Variants in PBX1 observed in about 807,000 individuals in gnomAD.
The protein encoded by PBX1 is PBX homeobox 1, also known as pre-B-cell leukemia transcription factor 1.
In PBX1, 6 loss-of-function variants were observed where a neutral mutation model predicts 53.4. That is an observed-to-expected ratio of 0.11 (90% CI 0.06 to 0.22). PBX1 has a LOEUF of 0.22. Among genes scored for constraint, PBX1 ranks in the 10% least tolerant of loss-of-function variants. The pLI, the probability that PBX1 is intolerant of heterozygous loss-of-function variation, is 1.00. For missense variants in PBX1, 251 were observed against 551.4 expected, an observed-to-expected ratio of 0.46 and a Z score of 5.46; for synonymous variants, 204 against 212.3, an observed-to-expected ratio of 0.96 and a Z score of 0.34.
chr1:164,757,659 G>A (rs1453405218), intron 2 of PBX1, among the ~76,000 whole-genome samples: 2 of 152,116 alleles, frequency 1.3e-5, no homozygotes, highest in Non-Finnish European at 1.5e-5. Flanking sequence ...CAAGGAATAA[G>A]AAAGGATTTC....
intron 2 of PBX1, among the ~76,000 whole-genome samples, chr1:164,626,610 C>T (rs1379172095): frequency 2.0e-5 from 3 of 152,216 alleles, no homozygotes. Context: ...TAAATCTTTT[C>T]TGCTTTACTA....
At chr1:164,571,226 A>C (rs1467080809) in intron 2 of PBX1, among the ~76,000 whole-genome samples, 2 of 152,224 alleles carry the variant, frequency 1.3e-5, no homozygotes, top group Admixed American at 6.5e-5. Flanking sequence ...ATATACAGTT[A>C]GGTGGCTTTT....
chr1:164,849,264 C>T lies in PBX1; in HGVS notation c.*2588C>T, dbSNP rs1256527282. On this transcript the variant is annotated 3_prime_UTR_variant, in exon 9 of 9. Transcript: ENST00000420696. The stretch of plus-strand genomic sequence containing the variant: ...TTTGCACAGGCAGTTTCTCTCCGGG[C>T]CGTAGTTTTCACTGATGATCACCTT... 3 of 1,528,422 alleles carry T rather than the reference C, an allele frequency of 2.0e-6. No individual in the cohort carries two copies. The highest frequency in any genetic ancestry group is 2.5e-5 in the East Asian group (1 of 40,782). The allele number at this position is 1,528,422 out of a possible 1,614,324, so 94.7% of individuals were successfully genotyped here. A position where few individuals can be genotyped will look rare whatever the true frequency, so the allele number is the denominator to read the frequency against.
At chr1:164,678,457 C>T (rs1346555661) in intron 2 of PBX1, among the ~76,000 whole-genome samples, 4 of 152,114 alleles carry the variant, frequency 2.6e-5, no homozygotes, top group African/African-American at 7.2e-5. Context: ...GTGCTATTGT[C>T]CTCCATGTGT....
chr1:164,812,719 A>G lies in PBX1; in HGVS notation c.997+570A>G, dbSNP rs570966149. Reference sequence around the variant, plus strand: ...TTGTTTTTTGTTGGTCTTCTTTATGATTATCGGTCATGAGCTATGTAATAG... The same window carrying G: ...TTGTTTTTTGTTGGTCTTCTTTATGGTTATCGGTCATGAGCTATGTAATAG... On this transcript the variant is annotated intron_variant, in intron 6 of 8. Transcript: ENST00000420696. 2.0e-5 allele frequency: 3 copies of G among 152,174 alleles called. No homozygotes were observed. In the South Asian group the frequency reaches 6.2e-4, roughly 32 times the overall value. 9.4% of individuals were successfully genotyped at this position (152,174 alleles called of 1,614,324 possible). A position where few individuals can be genotyped will look rare whatever the true frequency, so the allele number is the denominator to read the frequency against.
chr1:164,572,246 G>C (rs1333168627), intron 2 of PBX1, among the ~76,000 whole-genome samples: 1 of 151,978 alleles, frequency 6.6e-6, no homozygotes, highest in East Asian at 1.9e-4. Context: ...TTAAGTCATA[G>C]TGTAAATGGC....
chr1:164,807,342 G>A (rs894021081), intron 4 of PBX1, among the ~76,000 whole-genome samples, 200 bp from the exon 5 acceptor site: 4 of 152,096 alleles, frequency 2.6e-5, no homozygotes, highest in African/African-American at 7.2e-5. Flanking sequence ...TCTTCTGTTC[G>A]GTGCCCAGAT....
intron 2 of PBX1, among the ~76,000 whole-genome samples, chr1:164,640,543 G>A (rs1659058734): frequency 7.6e-6 from 1 of 132,058 alleles, no homozygotes; most frequent in Non-Finnish European, 1.6e-5. Flanking sequence ...TCGTTTTTTG[G>A]TGTTTTTTTT....
intron 2 of PBX1, among the ~76,000 whole-genome samples, chr1:164,690,184 C>G (rs955666843): frequency 2.0e-5 from 3 of 151,966 alleles, no homozygotes; most frequent in Non-Finnish European, 4.4e-5. Context: ...GTCTGGAGGC[C>G]GCAGATTTTC....
intron 2 of PBX1, among the ~76,000 whole-genome samples, chr1:164,882,115 C>G (rs1183375958): frequency 6.6e-6 from 1 of 151,650 alleles, no homozygotes; most frequent in African/African-American, 2.4e-5. Flanking sequence ...TTAGTCCAAC[C>G]CTTTTTTTTT....
intron 2 of PBX1, among the ~76,000 whole-genome samples, chr1:164,600,607 CAG>C (rs1656104504): frequency 1.3e-5 from 2 of 152,182 alleles, no homozygotes; most frequent in South Asian, 2.1e-4. Flanking sequence ...AAAAGGCAAA[CAG>C]AGCTTTTGGC....
chr1:164,624,967 A>G (rs1421141935), intron 2 of PBX1, among the ~76,000 whole-genome samples: 1 of 152,224 alleles, frequency 6.6e-6, no homozygotes, highest in Non-Finnish European at 1.5e-5. Context: ...AGTGTTATCT[A>G]TCCTTCCAAT....
At chr1:164,735,070 G>T (rs576799204) in intron 2 of PBX1, among the ~76,000 whole-genome samples, 1 of 152,246 alleles carries the variant, frequency 6.6e-6, no homozygotes, top group South Asian at 2.1e-4. Flanking sequence ...ACTATACTGC[G>T]TAAGCTATAG....
At chr1:164,712,784 C>CAGCCTGTTCG (rs1663873512) in intron 2 of PBX1, among the ~76,000 whole-genome samples, 1 of 151,998 alleles carries the variant, frequency 6.6e-6, no homozygotes, top group South Asian at 2.1e-4. Flanking sequence ...TTGCCTGTTC[C>CAGCCTGTTCG]GTTCAGCGTC....
intron 2 of PBX1, among the ~76,000 whole-genome samples, chr1:164,718,851 ATGT>A (rs1050658209): frequency 6.6e-6 from 1 of 152,226 alleles, no homozygotes; most frequent in Non-Finnish European, 1.5e-5. Context: ...AAATGTAAAA[ATGT>A]TGTGACTTGC....
chr1:164,786,856 G>T (rs866081235), intron 2 of PBX1, among the ~76,000 whole-genome samples: 1 of 152,088 alleles, frequency 6.6e-6, no homozygotes, highest in African/African-American at 2.4e-5. Context: ...AGTGTCGGCT[G>T]TGTCTCATTT....
chr1:164,679,410 T>TG (rs1661622135), intron 2 of PBX1, among the ~76,000 whole-genome samples: 1 of 152,194 alleles, frequency 6.6e-6, no homozygotes, highest in African/African-American at 2.4e-5. Flanking sequence ...TGTCAGGTCT[T>TG]GGGGACCTTA....
chr1:164,672,985 C>T (rs143542146), intron 2 of PBX1, among the ~76,000 whole-genome samples: 5 of 152,112 alleles, frequency 3.3e-5, no homozygotes, highest in African/African-American at 7.2e-5. Flanking sequence ...CTTAAAGCCA[C>T]AATTGTACTT....
chr1:164,620,244 G>A (rs1194084149), intron 2 of PBX1, among the ~76,000 whole-genome samples: 1 of 151,976 alleles, frequency 6.6e-6, no homozygotes, highest in Non-Finnish European at 1.5e-5. Context: ...TTTGTATTAA[G>A]GTACTTTAAA....
Sources: allele counts gnomAD v4.1 joint callset (sites outside exome capture counted in the v4.1 genomes callset), GRCh38; gene constraint gnomAD v4.1.1; transcripts MANE v1.5; gene names NCBI Gene and HGNC (gene_info 2026-07-23, HGNC 2026-07-21).